OPCML: variants seen among roughly 807,000 people sequenced by gnomAD.
OPCML encodes the protein opioid-binding protein/cell adhesion molecule.
Under a neutral mutation model 37.8 loss-of-function variants are expected in OPCML, and 13 were observed. That is an observed-to-expected ratio of 0.34 (90% confidence interval 0.22 to 0.55). The LOEUF (loss-of-function observed/expected upper bound fraction) is 0.55, where lower values mean the gene tolerates loss of function less well. Ranked by LOEUF, OPCML falls within the 20% of genes least tolerant of loss-of-function variation. OPCML has a pLI of 0.91. For missense variants in OPCML, 341 were observed against 435.6 expected (o/e 0.78, Z 1.93); for synonymous variants, 176 against 168.8 (o/e 1.04, Z -0.33).
intron 1 of OPCML, among the ~76,000 whole-genome samples, chr11:133,512,715 A>G (rs981089028): frequency 2.7e-4 from 41 of 152,300 alleles, no homozygotes; most frequent in African/African-American, 9.6e-4. Flanking sequence ...CCTATCCTCC[A>G]GGATATTCTG....
chr11:133,490,761 C>T (rs997660937), intron 1 of OPCML, among the ~76,000 whole-genome samples: 3 of 152,134 alleles, frequency 2.0e-5, no homozygotes, highest in African/African-American at 7.2e-5. Context: ...AGCCATAATC[C>T]TACATCAGCA....
chr11:132,657,115 T>A lies in OPCML; in HGVS notation c.351A>T (p.Lys117Asn), dbSNP rs1251361471. ...TCSVQTDNHP[K>N]TSRVHLIVQV... The stretch of plus-strand genomic sequence containing the variant: ...GCACTATTAGGTGAACCCGGGACGT[T>A]TTGGGATGATTGTCTGTCTGCACAG... The change falls in exon 3 of 8, where the codon AAA becomes AAT. Residue 117 changes from lysine (K) to asparagine (N), a missense_variant. Coordinates refer to ENST00000524381, the MANE Select transcript of OPCML (RefSeq NM_001012393.5). 1.9e-6 allele frequency: 3 copies of A among 1,614,036 alleles called. No homozygotes were observed. The highest frequency in any genetic ancestry group is 1.3e-5 in the African/African-American group (1 of 74,930).
intron 2 of OPCML, among the ~76,000 whole-genome samples, chr11:132,920,715 C>G (rs1457872647): frequency 1.3e-5 from 2 of 152,194 alleles, no homozygotes; most frequent in Non-Finnish European, 2.9e-5. Flanking sequence ...TTCGCACTCC[C>G]TGAAGGCAAA....
chr11:133,366,026 G>A (rs1275409674), intron 1 of OPCML: 1 of 152,214 alleles, frequency 6.6e-6, no homozygotes, highest in Non-Finnish European at 1.5e-5. Context: ...GAAAGATATT[G>A]CAGGCTACTG....
intron 2 of OPCML, among the ~76,000 whole-genome samples, chr11:132,860,235 G>A (rs1303040434): frequency 6.6e-6 from 1 of 152,166 alleles, no homozygotes; most frequent in East Asian, 1.9e-4. Flanking sequence ...TTCTATTGCA[G>A]GGAACTTAAT....
intron 2 of OPCML, among the ~76,000 whole-genome samples, chr11:132,753,770 T>C (rs1945927878): frequency 6.6e-6 from 1 of 152,136 alleles, no homozygotes; most frequent in Non-Finnish European, 1.5e-5. Context: ...AATAATCTAT[T>C]GTTTAACCAC....
intron 2 of OPCML, among the ~76,000 whole-genome samples, chr11:132,843,333 A>G (rs1390632029): frequency 2.6e-5 from 4 of 151,990 alleles, no homozygotes; most frequent in Non-Finnish European, 5.9e-5. Flanking sequence ...TCCTGACCTC[A>G]GGTGATCCAC....
chr11:133,349,180 G>C (rs1356474542), intron 1 of OPCML, among the ~76,000 whole-genome samples: 1 of 152,198 alleles, frequency 6.6e-6, no homozygotes, highest in African/African-American at 2.4e-5. Flanking sequence ...TCAAGACCAA[G>C]GGCATTCCCT....
At chr11:133,215,078 A>C (rs1468023146) in intron 1 of OPCML, among the ~76,000 whole-genome samples, 1 of 152,206 alleles carries the variant, frequency 6.6e-6, no homozygotes, top group East Asian at 1.9e-4. Context: ...TATATCTCTC[A>C]ATATCTCCAC....
In OPCML at chr11:133,219,092, A is replaced by G. The variant is rs538432594; in HGVS notation, c.62-276082T>C. Among the ~76,000 whole-genome samples, 1,261 of 152,290 alleles carry G rather than the reference A, an allele frequency of 8.3e-3. 12 individuals are homozygous for G. The highest frequency in any genetic ancestry group is 0.014 in the Non-Finnish European group (963 of 68,022). ...CTGACCAGCTGCCTTGACCATTATC[A>G]TGGATGGGCTCTGGGCAGGTTAGTG... On this transcript the variant is annotated intron_variant, in intron 1 of 7. Coordinates refer to ENST00000524381, the MANE Select transcript of OPCML (RefSeq NM_001012393.5).
intron 4 of OPCML, among the ~76,000 whole-genome samples, chr11:132,523,098 G>C (rs2096298267): frequency 6.6e-6 from 1 of 152,152 alleles, no homozygotes; most frequent in Non-Finnish European, 1.5e-5. Flanking sequence ...GTAGAGATGG[G>C]GTTTCACCCT....
chr11:132,678,472 T>G (rs1565769136), intron 2 of OPCML, among the ~76,000 whole-genome samples: 2 of 152,216 alleles, frequency 1.3e-5, no homozygotes, highest in Admixed American at 6.5e-5. Flanking sequence ...TATTCATAAC[T>G]ACCTAAATTA....
chr11:133,463,565 A>G (rs1427594860), intron 1 of OPCML, among the ~76,000 whole-genome samples: 1 of 152,180 alleles, frequency 6.6e-6, no homozygotes, highest in Non-Finnish European at 1.5e-5. Context: ...TATTAATATA[A>G]AAATACCTTT....
intron 1 of OPCML, among the ~76,000 whole-genome samples, chr11:133,406,030 G>A (rs1357575902): frequency 6.6e-6 from 1 of 152,132 alleles, no homozygotes; most frequent in Non-Finnish European, 1.5e-5. Flanking sequence ...GCTTCCACTT[G>A]TGTAATCAGT....
rs561418881 is a variant in OPCML, at chr11:133,252,581, C to T, written c.61+279683G>A. ...AGTTCAGATGGTTCCCAGAGTCTCCCGAAGGGTTTTCAATTCTGGCTATTT... is the reference window on the plus strand; with the variant it reads ...AGTTCAGATGGTTCCCAGAGTCTCCTGAAGGGTTTTCAATTCTGGCTATTT... On this transcript the variant is annotated intron_variant, in intron 1 of 7. Coordinates refer to ENST00000524381, the MANE Select transcript of OPCML (RefSeq NM_001012393.5). Among the ~76,000 whole-genome samples, 66 of 152,146 alleles carry T rather than the reference C, an allele frequency of 4.3e-4. 1 individual carries two copies. Among genetic ancestry groups the T allele is most frequent in the African/African-American group, 1.4e-3 (57 of 41,530 alleles).
intron 1 of OPCML, among the ~76,000 whole-genome samples, chr11:133,474,692 A>G (rs748304329): frequency 4.6e-5 from 7 of 152,182 alleles, no homozygotes; most frequent in Non-Finnish European, 1.0e-4. Flanking sequence ...ATGGACCCGC[A>G]GAACCCAGCT....
At chr11:132,900,221 T>G (rs1242094827) in intron 2 of OPCML, among the ~76,000 whole-genome samples, 2 of 152,166 alleles carry the variant, frequency 1.3e-5, no homozygotes, top group African/African-American at 4.8e-5. Flanking sequence ...GGGTCTTATT[T>G]CTGTACTTTC....
intron 1 of OPCML, chr11:133,439,440 TTTTTTG>T (rs1244066258): frequency 1.0e-6 from 1 of 984,892 alleles, no homozygotes; most frequent in Non-Finnish European, 1.2e-6. Flanking sequence ...AACCTAACTC[TTTTTTG>T]TTTTTTTGTT....
chr11:132,684,156 A>G (rs537220938), intron 2 of OPCML, among the ~76,000 whole-genome samples: 5 of 152,308 alleles, frequency 3.3e-5, no homozygotes, highest in African/African-American at 1.2e-4. Context: ...AACTTGACAT[A>G]CCTCTCCTTA....
Sources: gnomAD v4.1 joint callset for allele counts (sites outside exome capture counted in the v4.1 genomes callset) on GRCh38, gnomAD v4.1.1 for gene constraint, MANE v1.5 for transcripts, NCBI Gene and HGNC (gene_info 2026-07-23, HGNC 2026-07-21) for gene names.